BCAS3: variants seen among roughly 807,000 people sequenced by gnomAD.
BCAS3 encodes the protein BCAS3 microtubule associated cell migration factor, also known as BCAS4/BCAS3 fusion.
BCAS3 carries 53 observed loss-of-function variants against 116.1 expected under a neutral mutation model. That is an observed-to-expected ratio of 0.46 (90% CI 0.37 to 0.57). BCAS3 has a LOEUF of 0.57. BCAS3 is among the 20% of genes least tolerant of loss of function. The probability of loss-of-function intolerance (pLI) is 0.00; values close to 1 mark genes in which losing one functional copy is unlikely to be tolerated. For synonymous variants in BCAS3, 391 were observed against 408.2 expected (o/e 0.96, Z 0.51); for missense variants, 917 against 1,165.4 (o/e 0.79, Z 3.10).
intron 6 of BCAS3, among the ~76,000 whole-genome samples, chr17:60,797,133 T>A (rs1476152102): frequency 6.6e-6 from 1 of 152,098 alleles, no homozygotes. Flanking sequence ...TGGCCTCAAG[T>A]GATCCACCCA....
At position 61,012,704 on chromosome 17, in the gene BCAS3, G is replaced by C. The variant is rs2065190629; in HGVS notation, c.1487-3047G>C. Among the ~76,000 whole-genome samples, 1 of 152,032 alleles carries C rather than the reference G, an allele frequency of 6.6e-6. No individual in the cohort carries two copies. On this transcript the variant is annotated intron_variant, in intron 15 of 23. Coordinates refer to ENST00000407086, the MANE Select transcript of BCAS3 (RefSeq NM_017679.5). This position sits in a 1 kb window ranked among gnomAD's most constrained non-coding sequence, Gnocchi z 4.5. Reference sequence around the variant, plus strand: ...ACTCTACAGCATAAACACAGGAGCAGGCTGAGAAGGATAGATCTGAAGTTC... The same window carrying C: ...ACTCTACAGCATAAACACAGGAGCACGCTGAGAAGGATAGATCTGAAGTTC...
chr17:61,016,884 T>A (rs2065494611), intron 16 of BCAS3: 1 of 152,212 alleles, frequency 6.6e-6, no homozygotes, highest in Admixed American at 6.5e-5. Flanking sequence ...TACTCAGTAG[T>A]CTCAGGGACA....
chr17:60,979,261 A>G (rs1235768749), intron 14 of BCAS3, among the ~76,000 whole-genome samples: 1 of 149,218 alleles, frequency 6.7e-6, no homozygotes, highest in African/African-American at 2.5e-5. Context: ...TTCTCTTTGA[A>G]GCAATTGTGA....
At chr17:61,330,121 C>T (rs932340873) in intron 22 of BCAS3, among the ~76,000 whole-genome samples, 1 of 152,174 alleles carries the variant, frequency 6.6e-6, no homozygotes, top group Non-Finnish European at 1.5e-5. Flanking sequence ...AAGATGGTCT[C>T]TGAAATTTCT....
intron 22 of BCAS3, among the ~76,000 whole-genome samples, chr17:61,253,364 T>C (rs1333188831): frequency 6.6e-6 from 1 of 151,450 alleles, no homozygotes. Flanking sequence ...AGAATATATA[T>C]ATATATAATC....
chr17:60,732,340 T>G (rs2040541218), intron 5 of BCAS3, among the ~76,000 whole-genome samples: 1 of 152,200 alleles, frequency 6.6e-6, no homozygotes, highest in African/African-American at 2.4e-5. Flanking sequence ...TGGGCTATTT[T>G]TAGATCGCTG....
rs561057000 is a variant in BCAS3 at position 60,960,929 on chromosome 17, C to G, written c.1221+13577C>G. 7.2e-5 allele frequency among the ~76,000 whole-genome samples: 11 copies of G among 152,118 alleles called. No homozygotes were observed. In the East Asian group the frequency reaches 2.1e-3, roughly 29 times the overall value. ...ACAAGAGGACACTCCACAGATCTTT[C>G]TTGCATTTGTCTCTCTATTCCTGGC... is the stretch of plus-strand genomic sequence containing the variant. On this transcript the variant is annotated intron_variant, in intron 14 of 23. Transcript: ENST00000407086. This position sits in a 1 kb window ranked among gnomAD's most constrained non-coding sequence, Gnocchi z 4.1.
intron 7 of BCAS3, among the ~76,000 whole-genome samples, chr17:60,863,816 A>G (rs917406562): frequency 6.6e-6 from 1 of 152,214 alleles, no homozygotes; most frequent in African/African-American, 2.4e-5. Flanking sequence ...TGTCAAAAAA[A>G]AATCAATGTG....
chr17:60,823,745 A>C (rs982836577), intron 7 of BCAS3, among the ~76,000 whole-genome samples: 16 of 152,250 alleles, frequency 1.1e-4, no homozygotes, highest in Middle Eastern at 3.2e-3. Context: ...TATGTAATAC[A>C]CTACATGGAG....
intron 13 of BCAS3, among the ~76,000 whole-genome samples, chr17:60,928,413 G>A (rs1187154236): frequency 6.6e-6 from 1 of 152,138 alleles, no homozygotes; most frequent in Non-Finnish European, 1.5e-5. Context: ...AGTCTGTATA[G>A]TGGACTCATT....
chr17:61,312,637 T>C (rs536402970), intron 22 of BCAS3, among the ~76,000 whole-genome samples: 1 of 152,266 alleles, frequency 6.6e-6, no homozygotes, highest in Non-Finnish European at 1.5e-5. Context: ...CCTGGAACAA[T>C]AGTCTAGTGT....
intron 7 of BCAS3, among the ~76,000 whole-genome samples, chr17:60,816,105 A>C (rs571887596): frequency 4.9e-4 from 74 of 152,188 alleles, no homozygotes; most frequent in African/African-American, 1.7e-3. Flanking sequence ...TTTGGAGAGG[A>C]GTGGGATGTC....
intron 15 of BCAS3, among the ~76,000 whole-genome samples, chr17:61,000,934 C>A (rs1016285160): frequency 6.6e-6 from 1 of 152,194 alleles, no homozygotes; most frequent in Non-Finnish European, 1.5e-5. Context: ...CTTAATTTTG[C>A]AAATTAGTTT....
rs2071838295 is a variant in BCAS3 at position 61,075,106 on chromosome 17, A to G, written c.2130+86A>G. On this transcript the variant is annotated intron_variant, in intron 20 of 23. Transcript: ENST00000407086. ...TTCTTTTCCTTAGAGGTAAAAGGGG[A>G]GAATTGGTAACTCTTTATTGGATTA... 13 of 1,018,752 alleles carry G rather than the reference A, an allele frequency of 1.3e-5. No individual in the cohort carries two copies. In the South Asian group the frequency reaches 2.0e-4, roughly 16 times the overall value. 63.1% of individuals were successfully genotyped at this position (1,018,752 alleles called of 1,614,324 possible). A position where few individuals can be genotyped will look rare whatever the true frequency, so the allele number is the denominator to read the frequency against.
chr17:60,977,491 TTTATTA>T (rs199534358), intron 14 of BCAS3, among the ~76,000 whole-genome samples: 18 of 149,610 alleles, frequency 1.2e-4, no homozygotes, highest in South Asian at 2.1e-4. Context: ...GCACTTTCTT[TTTATTA>T]TTATTATTAT....
intron 19 of BCAS3, among the ~76,000 whole-genome samples, chr17:61,062,299 A>G (rs755249825): frequency 1.3e-5 from 2 of 152,170 alleles, no homozygotes; most frequent in Admixed American, 6.5e-5. Context: ...GGCAACTACT[A>G]TTAGTAATGT....
At chr17:60,779,707 T>A (rs2045631773) in intron 6 of BCAS3, among the ~76,000 whole-genome samples, 1 of 152,150 alleles carries the variant, frequency 6.6e-6, no homozygotes, top group African/African-American at 2.4e-5. Flanking sequence ...CAAGATAGCT[T>A]ATTATGTATA....
At chr17:61,039,763 A>G (rs1473139894) in intron 18 of BCAS3, among the ~76,000 whole-genome samples, 1 of 152,108 alleles carries the variant, frequency 6.6e-6, no homozygotes, top group Non-Finnish European at 1.5e-5. Context: ...TACCTTGGAG[A>G]ATACCTCTGT....
chr17:60,887,201 C>G (rs2056750166), intron 9 of BCAS3: 1 of 152,198 alleles, frequency 6.6e-6, no homozygotes, highest in Non-Finnish European at 1.5e-5. Flanking sequence ...GGGAGTGACC[C>G]GATTTTCCAG....
Sources: gnomAD v4.1 joint callset for allele counts (sites outside exome capture counted in the v4.1 genomes callset) on GRCh38, gnomAD v4.1.1 for gene constraint, Gnocchi (gnomAD v3.1) non-coding constraint, MANE v1.5 for transcripts, NCBI Gene and HGNC (gene_info 2026-07-23, HGNC 2026-07-21) for gene names.